ASCC3: variants seen among roughly 807,000 people sequenced by gnomAD.
ASCC3 encodes activating signal cointegrator 1 complex subunit 3.
A neutral mutation model predicts 256.3 loss-of-function variants in ASCC3; 158 were observed. The ratio of observed to expected loss-of-function variants is 0.62; its 90% CI spans 0.54 to 0.70. The LOEUF (loss-of-function observed/expected upper bound fraction) is 0.70. Ranked by LOEUF, ASCC3 falls within the 30% of genes least tolerant of loss-of-function variation. The probability of loss-of-function intolerance (pLI) is 0.00; values close to 1 mark genes in which losing one functional copy is unlikely to be tolerated. For missense variants in ASCC3, 2,259 were observed against 2,626.0 expected (o/e 0.86, Z 3.05); for synonymous variants, 948 against 883.4 (o/e 1.07, Z -1.30).
intron 10 of ASCC3, among the ~76,000 whole-genome samples, chr6:100,765,121 T>A (rs1781592274): frequency 6.6e-6 from 1 of 152,106 alleles, no homozygotes; most frequent in East Asian, 1.9e-4. Context: ...ACAGATACTG[T>A]CTCAAAGCCT....
At chr6:100,652,597 G>A (rs1775725248) in intron 18 of ASCC3, 128 bp downstream of exon 18, 1 of 1,030,968 alleles carries the variant, frequency 9.7e-7, no homozygotes, top group East Asian at 2.6e-5. Context: ...AGGGTATACT[G>A]TTGAATTCAT....
At chr6:100,656,053 T>C (rs555305314) in intron 16 of ASCC3, among the ~76,000 whole-genome samples, 1 of 151,906 alleles carries the variant, frequency 6.6e-6, no homozygotes, top group South Asian at 2.1e-4. Context: ...ACTTACTCAA[T>C]ATTATGGCAG....
chr6:100,860,914 C>T (rs1194324332), intron 3 of ASCC3, among the ~76,000 whole-genome samples: 1 of 152,018 alleles, frequency 6.6e-6, no homozygotes, highest in Non-Finnish European at 1.5e-5. Flanking sequence ...TTTTATGTAT[C>T]ATTCTAAAGA....
intron 26 of ASCC3, among the ~76,000 whole-genome samples, chr6:100,630,797 A>G (rs181036313): frequency 5.9e-4 from 90 of 152,186 alleles, no homozygotes; most frequent in African/African-American, 2.1e-3. Context: ...TCTGCAAAAT[A>G]CGAAAAAAAT....
chr6:100,708,482 C>T (rs1778707333), intron 13 of ASCC3, among the ~76,000 whole-genome samples: 1 of 152,116 alleles, frequency 6.6e-6, no homozygotes, highest in Non-Finnish European at 1.5e-5. Flanking sequence ...AAAGAAATCT[C>T]AGGGATGCCT....
chr6:100,680,359 G>A (rs1489825394), intron 13 of ASCC3, among the ~76,000 whole-genome samples: 3 of 152,128 alleles, frequency 2.0e-5, no homozygotes, highest in Non-Finnish European at 4.4e-5. Flanking sequence ...GGGAAAAAAT[G>A]CATCTTCAGG....
chr6:100,642,496 T>C (rs1775176131), intron 24 of ASCC3, 85 bp downstream of exon 24: 3 of 1,388,148 alleles, frequency 2.2e-6, no homozygotes, highest in Admixed American at 3.4e-5. Flanking sequence ...AGTAAAACTT[T>C]ATTACGGTGT....
intron 5 of ASCC3, among the ~76,000 whole-genome samples, chr6:100,801,842 T>C (rs9404052): frequency 0.55 from 82,441 of 150,254 alleles, 22,974 homozygotes; most frequent in South Asian, 0.75. Context: ...AAAAGTTAAC[T>C]TGTCTGCAAA....
intron 13 of ASCC3, among the ~76,000 whole-genome samples, chr6:100,701,003 C>T (rs186511835): frequency 1.3e-5 from 2 of 152,004 alleles, no homozygotes; most frequent in African/African-American, 4.8e-5. Flanking sequence ...TTGGGAGGGG[C>T]CAGGGTGGAA....
intron 37 of ASCC3, among the ~76,000 whole-genome samples, chr6:100,533,353 T>A (rs1475643660): frequency 6.6e-6 from 1 of 152,204 alleles, no homozygotes; most frequent in South Asian, 2.1e-4. Flanking sequence ...TGATGGCATC[T>A]TAGAATTAAA....
intron 4 of ASCC3, among the ~76,000 whole-genome samples, chr6:100,846,953 A>C (rs1233887414): frequency 6.6e-6 from 1 of 152,158 alleles, no homozygotes; most frequent in Non-Finnish European, 1.5e-5. Context: ...TTTTATGTTC[A>C]GTAAATAGCA....
chr6:100,812,951 T>G (rs62422070), intron 4 of ASCC3, among the ~76,000 whole-genome samples: 58,894 of 150,566 alleles, frequency 0.39, 12,669 homozygotes, highest in Middle Eastern at 0.56. Flanking sequence ...GATGGATGGA[T>G]GGATGGACAG....
chr6:100,729,463 C>T (rs868095271), intron 10 of ASCC3, among the ~76,000 whole-genome samples: 17 of 152,108 alleles, frequency 1.1e-4, no homozygotes, highest in African/African-American at 4.1e-4. Flanking sequence ...TAACGATGCA[C>T]CTCAATCCTT....
chr6:100,622,735 A>G (rs796214041), intron 30 of ASCC3, among the ~76,000 whole-genome samples: 22 of 152,044 alleles, frequency 1.4e-4, no homozygotes, highest in African/African-American at 5.3e-4. Flanking sequence ...TTAGCAGTGA[A>G]AAATCTACAA....
At position 100,867,998 on chromosome 6, in the gene ASCC3, C is replaced by T. The variant is rs200573184; in HGVS notation, c.-1G>A. On this transcript the variant is annotated 5_prime_UTR_variant, in exon 2 of 42. Coordinates refer to ENST00000369162, the MANE Select transcript of ASCC3 (RefSeq NM_006828.4). ...CTCCTGTGAGACGAGGTAAAGCCAT[C>T]TATTATTCAATCAGTGATCCATACA... 9.3e-6 allele frequency: 15 copies of T among 1,609,526 alleles called. No individual in the cohort carries two copies. The East Asian group carries it at 2.9e-4, about 31-fold the overall frequency.
At chr6:100,676,664 C>A (rs1273710844) in intron 14 of ASCC3, among the ~76,000 whole-genome samples, 1 of 152,006 alleles carries the variant, frequency 6.6e-6, no homozygotes, top group Non-Finnish European at 1.5e-5. Context: ...ACTGTTACTA[C>A]CAGAGAGAAA....
At chr6:100,837,967 A>T (rs1454096599) in intron 4 of ASCC3, among the ~76,000 whole-genome samples, 2 of 152,186 alleles carry the variant, frequency 1.3e-5, no homozygotes, top group Non-Finnish European at 2.9e-5. Context: ...CAATGTATAC[A>T]TGTATTGAAA....
chr6:100,850,468 C>T (rs1396001435), intron 3 of ASCC3, among the ~76,000 whole-genome samples: 1 of 152,082 alleles, frequency 6.6e-6, no homozygotes, highest in Non-Finnish European at 1.5e-5. Context: ...TGTAGTATTC[C>T]TCACTGTACT....
chr6:100,579,373 T>C (rs1288355241), intron 36 of ASCC3, among the ~76,000 whole-genome samples: 1 of 152,158 alleles, frequency 6.6e-6, no homozygotes, highest in Non-Finnish European at 1.5e-5. Flanking sequence ...AACTTTTGTT[T>C]TTGTTGCAAC....
Sources: allele counts gnomAD v4.1 joint callset (sites outside exome capture counted in the v4.1 genomes callset), GRCh38; gene constraint gnomAD v4.1.1; transcripts MANE v1.5; gene names NCBI Gene and HGNC (gene_info 2026-07-23, HGNC 2026-07-21).